Variants in PRKD3 observed in about 807,000 individuals in gnomAD.
The protein encoded by PRKD3 is protein kinase D3, also known as serine/threonine-protein kinase D3.
A neutral mutation model predicts 99.2 loss-of-function variants in PRKD3; 47 were observed. The ratio of observed to expected loss-of-function variants is 0.47; its 90% CI spans 0.38 to 0.60. The LOEUF is 0.60. Among genes scored for constraint, PRKD3 ranks in the 20% least tolerant of loss-of-function variants. The pLI, the probability that PRKD3 is intolerant of heterozygous loss-of-function variation, is 0.00. For synonymous variants in PRKD3, 392 were observed against 355.4 expected, an observed-to-expected ratio of 1.10 and a Z score of -1.16; for missense variants, 1,019 against 1,088.4, an observed-to-expected ratio of 0.94 and a Z score of 0.90.
At chr2:37,309,234 C>G (rs1242483694) in intron 2 of PRKD3, among the ~76,000 whole-genome samples, 4 of 152,048 alleles carry the variant, frequency 2.6e-5, no homozygotes, top group Non-Finnish European at 4.4e-5. Context: ...TATTTTTAAT[C>G]TTTTTTTCTA....
intron 9 of PRKD3, among the ~76,000 whole-genome samples, chr2:37,277,495 C>A (rs1013813921): frequency 6.6e-6 from 1 of 152,094 alleles, no homozygotes; most frequent in African/African-American, 2.4e-5. Context: ...AAGTTAAAGT[C>A]TACATAAAAC....
At chr2:37,307,030 T>C (rs1420268346) in intron 2 of PRKD3, among the ~76,000 whole-genome samples, 1 of 152,174 alleles carries the variant, frequency 6.6e-6, no homozygotes, top group Non-Finnish European at 1.5e-5. Context: ...TCAGCATTAT[T>C]AACATTTTGG....
chr2:37,305,763 C>T (rs1353370733), intron 2 of PRKD3, among the ~76,000 whole-genome samples: 1 of 152,190 alleles, frequency 6.6e-6, no homozygotes, highest in Non-Finnish European at 1.5e-5. Flanking sequence ...GGCTTTGGGA[C>T]TTTAAGATCA....
At chr2:37,321,415 A>C (rs778828451) in intron 1 of PRKD3, among the ~76,000 whole-genome samples, 1 of 152,156 alleles carries the variant, frequency 6.6e-6, no homozygotes, top group Admixed American at 6.5e-5. Context: ...AGGTGAGAGG[A>C]CTTACTTGAG....
At chr2:37,318,559 AG>A (rs1217203906) in intron 1 of PRKD3, among the ~76,000 whole-genome samples, 3 of 152,204 alleles carry the variant, frequency 2.0e-5, no homozygotes. Context: ...CACTGCTCAG[AG>A]GATGTTGCTA....
intron 1 of PRKD3, chr2:37,324,280 C>G: frequency 1.0e-6 from 1 of 963,048 alleles, no homozygotes; most frequent in Middle Eastern, 5.4e-4. Flanking sequence ...CGCCGCGGGT[C>G]TGGCTTCGGG....
At position 37,316,466 on chromosome 2, in the gene PRKD3, G is replaced by A; in HGVS notation, c.59C>T (p.Pro20Leu). 1.2e-6 allele frequency: 2 copies of A among 1,614,030 alleles called. No homozygotes were observed. Among genetic ancestry groups the A allele is most frequent in the Non-Finnish European group, 1.7e-6 (2 of 1,179,834 alleles). The change falls in exon 2 of 19, where the codon CCT (proline) becomes CTT (leucine). Residue 20 changes from proline (P) to leucine (L), a missense_variant. Coordinates refer to ENST00000234179, the MANE Select transcript of PRKD3 (RefSeq NM_005813.6). ...AQKSVLPTAI[P>L]AVLPAASPCS... ...CGGAGAAGCAGCTGGAAGCACAGCAGGAATAGCTGTGGGTAATACAGACTT... is the reference window on the plus strand; with the variant it reads ...CGGAGAAGCAGCTGGAAGCACAGCAAGAATAGCTGTGGGTAATACAGACTT...
chr2:37,315,432 T>C (rs1671615944), intron 2 of PRKD3, among the ~76,000 whole-genome samples: 1 of 152,240 alleles, frequency 6.6e-6, no homozygotes, highest in Non-Finnish European at 1.5e-5. Flanking sequence ...TGGTCCTATA[T>C]TAAATGGCAG....
At chr2:37,313,954 T>A (rs80121080) in intron 2 of PRKD3, among the ~76,000 whole-genome samples, 5,354 of 152,134 alleles carry the variant, frequency 0.035, 120 homozygotes, top group Non-Finnish European at 0.051. Flanking sequence ...AAAAATTATA[T>A]TGAAAAAGGG....
intron 2 of PRKD3, among the ~76,000 whole-genome samples, chr2:37,304,917 CTTCTA>C (rs1412423341): frequency 6.6e-6 from 1 of 151,854 alleles, no homozygotes; most frequent in Non-Finnish European, 1.5e-5. Flanking sequence ...GATCTAGGAT[CTTCTA>C]TTCTAGCCAA....
intron 17 of PRKD3, among the ~76,000 whole-genome samples, chr2:37,254,808 A>G (rs1667804216): frequency 6.6e-6 from 1 of 152,186 alleles, no homozygotes; most frequent in Non-Finnish European, 1.5e-5. Context: ...GCCTCTATAT[A>G]TGGTCACATT....
chr2:37,282,244 G>A (rs1347682803), intron 7 of PRKD3: 1 of 302,838 alleles, frequency 3.3e-6, no homozygotes, highest in Non-Finnish European at 6.2e-6. Context: ...TGAAAGAATA[G>A]AGACAAGAGC....
rs1318542409 is a variant in PRKD3, at chr2:37,289,353, T to C, written c.717+3A>G. 4 of 1,613,698 alleles carry C rather than the reference T, an allele frequency of 2.5e-6. No homozygotes were observed. Among genetic ancestry groups the C allele is most frequent in the Admixed American group, 3.3e-5 (2 of 59,956 alleles). On this transcript the variant is annotated splice_donor_region_variant and intron_variant, in intron 5 of 18. Transcript: ENST00000234179. ...AAAATGTCTATTACCTTAGAATACG[T>C]ACCTCTTCACTGGGAAGGGCTACAT...
chr2:37,255,883 G>A (rs1333727551), intron 17 of PRKD3, among the ~76,000 whole-genome samples: 1 of 152,062 alleles, frequency 6.6e-6, no homozygotes, highest in Non-Finnish European at 1.5e-5. Flanking sequence ...GGCCCATGGT[G>A]CATACCCATC....
At chr2:37,280,208 C>A (rs561151849) in intron 7 of PRKD3, among the ~76,000 whole-genome samples, 3 of 152,052 alleles carry the variant, frequency 2.0e-5, no homozygotes, top group East Asian at 3.9e-4. Flanking sequence ...CCATGCCCAG[C>A]TAATTTTTGT....
At chr2:37,290,581 T>C (rs1670366065) in intron 4 of PRKD3, among the ~76,000 whole-genome samples, 1 of 152,200 alleles carries the variant, frequency 6.6e-6, no homozygotes, top group African/African-American at 2.4e-5. Context: ...TATGGAGCCA[T>C]TATTTTGTAC....
intron 18 of PRKD3, 96 bp downstream of exon 18, chr2:37,254,108 T>A (rs1667744416): frequency 2.3e-6 from 2 of 872,674 alleles, no homozygotes; most frequent in African/African-American, 1.7e-5. Flanking sequence ...GCACTTTTAT[T>A]ATTCTGCTGA....
At chr2:37,257,387 C>T (rs1023560520) in intron 16 of PRKD3, among the ~76,000 whole-genome samples, 1 of 152,026 alleles carries the variant, frequency 6.6e-6, no homozygotes, top group East Asian at 1.9e-4. Flanking sequence ...CAGTATTAGC[C>T]AGGTGTGGTG....
intron 2 of PRKD3, among the ~76,000 whole-genome samples, chr2:37,315,242 C>A (rs1485955294): frequency 1.3e-5 from 2 of 152,070 alleles, no homozygotes; most frequent in African/African-American, 4.8e-5. Context: ...ACACAGAAAA[C>A]ATACTAGCCT....
Sources: gnomAD v4.1 joint callset for allele counts (sites outside exome capture counted in the v4.1 genomes callset) on GRCh38, gnomAD v4.1.1 for gene constraint, MANE v1.5 for transcripts, NCBI Gene and HGNC (gene_info 2026-07-23, HGNC 2026-07-21) for gene names.